The following SLC15A1 variants were observed in gnomAD, a reference collection of about 807,000 sequenced individuals.
SLC15A1 encodes solute carrier family 15 member 1, also known as Caco-2 oligopeptide transporter.
In SLC15A1, 83 loss-of-function variants were observed where a neutral mutation model predicts 92.9. That is an observed-to-expected ratio of 0.89 (90% confidence interval 0.75 to 1.07). The LOEUF is 1.07. Among genes scored for constraint, SLC15A1 ranks in the 50% least tolerant of loss-of-function variants. SLC15A1 has a pLI of 0.00. For missense variants in SLC15A1, 857 were observed against 880.1 expected, an observed-to-expected ratio of 0.97 and a Z score of 0.33; for synonymous variants, 322 against 318.2, an observed-to-expected ratio of 1.01 and a Z score of -0.13.
At chr13:98,694,058 G>A (rs1050083294) in intron 18 of SLC15A1, among the ~76,000 whole-genome samples, 2 of 152,144 alleles carry the variant, frequency 1.3e-5, no homozygotes, top group Non-Finnish European at 1.5e-5. Flanking sequence ...AATTTCTGTG[G>A]AGAGGATCAA....
intron 1 of SLC15A1, among the ~76,000 whole-genome samples, chr13:98,731,613 CCTT>C (rs1184205726): frequency 6.6e-6 from 1 of 152,170 alleles, no homozygotes; most frequent in African/African-American, 2.4e-5. Flanking sequence ...TCATCACAAA[CCTT>C]CCTTCCCTGT....
At chr13:98,715,998 T>A (rs768066865) in intron 8 of SLC15A1, 38 bp from the exon 9 acceptor site, 2 of 1,566,688 alleles carry the variant, frequency 1.3e-6, no homozygotes, top group South Asian at 1.1e-5. Flanking sequence ...GCAAAGCATG[T>A]GACCGAGCGC....
At chr13:98,710,534 G>A (rs4646226) in intron 11 of SLC15A1, among the ~76,000 whole-genome samples, 16,331 of 152,136 alleles carry the variant, frequency 0.11, 1,166 homozygotes, top group East Asian at 0.39. Context: ...TCAGGAAATT[G>A]GCCAGGTGCA....
intron 1 of SLC15A1, among the ~76,000 whole-genome samples, chr13:98,734,023 T>G (rs536271741): frequency 1.3e-3 from 192 of 152,282 alleles, no homozygotes; most frequent in Middle Eastern, 0.01. Flanking sequence ...TGGAGAGCAG[T>G]GGTGCAATCT....
chr13:98,684,986 T>C (rs2087919339), intron 22 of SLC15A1, 71 bp from the exon 23 acceptor site: 3 of 1,323,516 alleles, frequency 2.3e-6, no homozygotes, highest in African/African-American at 3.0e-5. Flanking sequence ...GAATATATGG[T>C]GCGTACATGT....
chr13:98,738,557 C>G (rs1440171684), intron 1 of SLC15A1, among the ~76,000 whole-genome samples: 1 of 152,270 alleles, frequency 6.6e-6, no homozygotes, highest in South Asian at 2.1e-4. Context: ...AGATACAGCC[C>G]AGGCTGCTGC....
At chr13:98,685,167 A>AAGATG (rs2087920382) in intron 22 of SLC15A1, among the ~76,000 whole-genome samples, 2 of 152,222 alleles carry the variant, frequency 1.3e-5, no homozygotes, top group Admixed American at 1.3e-4. Context: ...AGACTTTGGG[A>AAGATG]AGATGAGAGA....
intron 1 of SLC15A1, among the ~76,000 whole-genome samples, chr13:98,744,999 C>T (rs769806843): frequency 3.9e-5 from 6 of 152,092 alleles, no homozygotes; most frequent in Non-Finnish European, 7.3e-5. Context: ...GCAGAAACAG[C>T]TATATTTTTC....
chr13:98,738,567 C>T (rs2088413799), intron 1 of SLC15A1, among the ~76,000 whole-genome samples: 1 of 152,270 alleles, frequency 6.6e-6, no homozygotes, highest in African/African-American at 2.4e-5. Flanking sequence ...CAGGCTGCTG[C>T]TTCAGAGGGT....
chr13:98,744,488 C>T (rs9513476), intron 1 of SLC15A1, among the ~76,000 whole-genome samples: 9,731 of 151,640 alleles, frequency 0.064, 393 homozygotes, highest in Middle Eastern at 0.2. Flanking sequence ...CGGTGGCTCA[C>T]GCCTGTAATC....
intron 1 of SLC15A1, among the ~76,000 whole-genome samples, chr13:98,727,279 G>A (rs1044092084): frequency 2.0e-5 from 3 of 152,104 alleles, no homozygotes; most frequent in African/African-American, 4.8e-5. Flanking sequence ...ACACTCAACC[G>A]CCACCTCCTA....
intron 1 of SLC15A1, among the ~76,000 whole-genome samples, chr13:98,732,332 A>C (rs957803135): frequency 6.6e-6 from 1 of 152,208 alleles, no homozygotes; most frequent in African/African-American, 2.4e-5. Context: ...CACCCAACAC[A>C]TTGCAATCAC....
chr13:98,742,463 G>A (rs1450203397), intron 1 of SLC15A1, among the ~76,000 whole-genome samples: 1 of 152,192 alleles, frequency 6.6e-6, no homozygotes, highest in East Asian at 1.9e-4. Flanking sequence ...TCCAGCCTGG[G>A]GACAGCTCCT....
chr13:98,712,557 G>A lies in SLC15A1; in HGVS notation c.751C>T (p.Arg251Trp), dbSNP rs578219578. Residue 251 changes from arginine (R) to tryptophan (W), a missense_variant, in exon 10 of 23, where the codon CGG (arginine) becomes TGG (tryptophan). Coordinates refer to ENST00000376503, the MANE Select transcript of SLC15A1 (RefSeq NM_005073.4). ...TCCCTCTTGGGAAATGCCTTACTCCGATGCCTAAATCTATTTTTGATGGCA... is the reference window on the plus strand; with the variant it reads ...TCCCTCTTGGGAAATGCCTTACTCCAATGCCTAAATCTATTTTTGATGGCA... ...GFAIKNRFRHRSKAFPKREHW... is the reference protein window; with the variant it reads ...GFAIKNRFRHWSKAFPKREHW... 61 of 1,607,758 alleles carry A rather than the reference G, an allele frequency of 3.8e-5. No homozygotes were observed. The highest frequency in any genetic ancestry group is 8.0e-5 in the African/African-American group (6 of 74,838).
chr13:98,710,257 T>G (rs1487310260), intron 11 of SLC15A1, among the ~76,000 whole-genome samples: 1 of 152,274 alleles, frequency 6.6e-6, no homozygotes, highest in South Asian at 2.1e-4. Flanking sequence ...TAGCTGTGCG[T>G]GTTGCAGATG....
intron 11 of SLC15A1, among the ~76,000 whole-genome samples, chr13:98,711,022 C>T (rs951071079): frequency 3.3e-5 from 5 of 151,904 alleles, no homozygotes; most frequent in Admixed American, 1.3e-4. Context: ...GGCTCCTGTC[C>T]GCATGCAGCA....
At chr13:98,730,159 G>A (rs2088335767) in intron 1 of SLC15A1, among the ~76,000 whole-genome samples, 1 of 150,260 alleles carries the variant, frequency 6.7e-6, no homozygotes, top group African/African-American at 2.5e-5. Flanking sequence ...TCGCACCACT[G>A]CACTCCAGCC....
chr13:98,732,109 A>G (rs1173403847), intron 1 of SLC15A1, among the ~76,000 whole-genome samples: 1 of 152,264 alleles, frequency 6.6e-6, no homozygotes, highest in Admixed American at 6.5e-5. Context: ...TGGTGTTTAC[A>G]TCGAGACTTC....
At chr13:98,690,336 G>A (rs2087964724) in intron 18 of SLC15A1, among the ~76,000 whole-genome samples, 1 of 152,290 alleles carries the variant, frequency 6.6e-6, no homozygotes, top group South Asian at 2.1e-4. Flanking sequence ...TCATTTGATA[G>A]CTGATTAATA....
Sources: gnomAD v4.1 joint callset for allele counts (sites outside exome capture counted in the v4.1 genomes callset) on GRCh38, gnomAD v4.1.1 for gene constraint, MANE v1.5 for transcripts, NCBI Gene and HGNC (gene_info 2026-07-23, HGNC 2026-07-21) for gene names.